UBXN7: variants seen among roughly 807,000 people sequenced by gnomAD.
UBXN7 encodes the protein UBX domain protein 7, also known as UBX domain-containing protein 7.
In UBXN7, 9 loss-of-function variants were observed where a neutral mutation model predicts 58.0. The observed-to-expected ratio is 0.16, with a 90% CI of 0.09 to 0.27. The LOEUF (loss-of-function observed/expected upper bound fraction) is 0.27, where lower values mean the gene tolerates loss of function less well. UBXN7 is among the 10% of genes least tolerant of loss of function. The pLI is 1.00. For synonymous variants in UBXN7, 208 were observed against 205.0 expected, an observed-to-expected ratio of 1.01 and a Z score of -0.12; for missense variants, 328 against 599.6, an observed-to-expected ratio of 0.55 and a Z score of 4.73.
At chr3:196,390,483 T>C (rs1055350737) in intron 5 of UBXN7, among the ~76,000 whole-genome samples, 6 of 152,126 alleles carry the variant, frequency 3.9e-5, no homozygotes, top group Non-Finnish European at 8.8e-5. Context: ...GGCTCACGCC[T>C]GTAATCCCAG....
intron 6 of UBXN7, among the ~76,000 whole-genome samples, chr3:196,371,260 G>T (rs1384811152): frequency 6.6e-6 from 1 of 152,206 alleles, no homozygotes; most frequent in Middle Eastern, 3.4e-3. Context: ...AATGGAGAAG[G>T]GGTGTAAGTA....
At chr3:196,409,952 T>C (rs1359713030) in intron 1 of UBXN7, among the ~76,000 whole-genome samples, 1 of 151,912 alleles carries the variant, frequency 6.6e-6, no homozygotes, top group African/African-American at 2.4e-5. Flanking sequence ...TTTTTTTTTT[T>C]TTTTTGAGAC....
At chr3:196,429,341 C>A (rs372164610) in intron 1 of UBXN7, among the ~76,000 whole-genome samples, 5 of 147,076 alleles carry the variant, frequency 3.4e-5, no homozygotes, top group African/African-American at 1.1e-4. Context: ...AAAAAAAAAA[C>A]ATCAGTCATT....
At chr3:196,387,394 T>C (rs527848657) in intron 5 of UBXN7, among the ~76,000 whole-genome samples, 1 of 152,124 alleles carries the variant, frequency 6.6e-6, no homozygotes, top group Non-Finnish European at 1.5e-5. Context: ...ACTTCACAAC[T>C]AAAACACCAA....
intron 9 of UBXN7, 118 bp downstream of exon 9, chr3:196,362,176 T>C: frequency 1.5e-6 from 2 of 1,350,804 alleles, no homozygotes. Context: ...GTATTTTTAG[T>C]AGAGACAGGG....
chr3:196,426,807 C>T (rs1472956690), intron 1 of UBXN7, among the ~76,000 whole-genome samples: 1 of 151,322 alleles, frequency 6.6e-6, no homozygotes, highest in Non-Finnish European at 1.5e-5. Context: ...AAGATCGTAC[C>T]TTTGCACTCC....
At chr3:196,388,705 G>T (rs1257155036) in intron 5 of UBXN7, among the ~76,000 whole-genome samples, 1 of 152,122 alleles carries the variant, frequency 6.6e-6, no homozygotes, top group African/African-American at 2.4e-5. Context: ...CATCTAATAT[G>T]AGGAACAAAC....
rs186687762 is a variant in UBXN7, at chr3:196,375,135, G to A, written c.469-3093C>T. On this transcript the variant is annotated intron_variant, in intron 5 of 10. Coordinates refer to ENST00000296328, the MANE Select transcript of UBXN7 (RefSeq NM_015562.2). ...CATGAGGACTATACTTAATAATATC[G>A]TATTATACATTGAAAATGTGCTGAG... is the stretch of plus-strand genomic sequence containing the variant. Among the ~76,000 whole-genome samples the A allele has an allele frequency of 1.1e-3, 170 of 149,090 alleles. 2 individuals are homozygous for A. The Middle Eastern group carries it at 0.035, about 31-fold the overall frequency.
chr3:196,385,326 T>C (rs1453142851), intron 5 of UBXN7, among the ~76,000 whole-genome samples: 1 of 152,186 alleles, frequency 6.6e-6, no homozygotes, highest in African/African-American at 2.4e-5. Flanking sequence ...CAGGCTGAAG[T>C]GCAGTGGCGT....
intron 2 of UBXN7, among the ~76,000 whole-genome samples, chr3:196,406,146 T>C (rs982943345): frequency 1.3e-5 from 2 of 151,690 alleles, no homozygotes; most frequent in African/African-American, 4.8e-5. Context: ...GATCCTCCCA[T>C]CTCAGCCTGC....
chr3:196,391,915 T>C lies in UBXN7; in HGVS notation c.366A>G (p.Glu122=). 6.2e-7 allele frequency: 1 copy of C among 1,609,992 alleles called. No individual in the cohort carries two copies. Among genetic ancestry groups the C allele is most frequent in the South Asian group, 1.1e-5 (1 of 90,546 alleles). ...TAGCTCCTCCATTTCTTAATTCTTG[T>C]TCTTGCCGAACTATAATACAGAAGG... ...RDFQTETIRQ[E]QELRNGGAID... is the part of the protein sequence containing the mutation. Residue 122 remains glutamate (E), a synonymous_variant, in exon 5 of 11, where the codon GAA becomes GAG. Coordinates refer to ENST00000296328, the MANE Select transcript of UBXN7 (RefSeq NM_015562.2).
intron 1 of UBXN7, among the ~76,000 whole-genome samples, chr3:196,430,553 C>G (rs924260257): frequency 6.6e-6 from 1 of 151,936 alleles, no homozygotes; most frequent in African/African-American, 2.4e-5. Context: ...ACATCCAGCT[C>G]ATTTTCTTAT....
At chr3:196,395,371 T>C (rs182732583) in intron 3 of UBXN7, among the ~76,000 whole-genome samples, 1 of 152,364 alleles carries the variant, frequency 6.6e-6, no homozygotes, top group Admixed American at 6.5e-5. Context: ...TTCCTGTGTA[T>C]ATGTGTATGT....
intron 1 of UBXN7, among the ~76,000 whole-genome samples, chr3:196,427,692 A>G (rs758772499): frequency 2.0e-4 from 31 of 152,230 alleles, no homozygotes; most frequent in Admixed American, 1.2e-3. Context: ...TTGAGAATTG[A>G]TATGACTTCT....
chr3:196,385,876 TG>T (rs1276775119), intron 5 of UBXN7, among the ~76,000 whole-genome samples: 1 of 151,936 alleles, frequency 6.6e-6, no homozygotes, highest in African/African-American at 2.4e-5. Flanking sequence ...ATCTGGGAGG[TG>T]TACCCAATAG....
At chr3:196,401,314 CACACACATATATATATAT>C (rs1560235437) in intron 3 of UBXN7, among the ~76,000 whole-genome samples, 2 of 111,866 alleles carry the variant, frequency 1.8e-5, no homozygotes, top group African/African-American at 7.0e-5. Context: ...CACACACACA[CACACACATATATATATAT>C]ACACATATAT....
intron 10 of UBXN7, among the ~76,000 whole-genome samples, chr3:196,359,096 T>G (rs1029219632): frequency 1.3e-5 from 2 of 152,214 alleles, no homozygotes; most frequent in African/African-American, 4.8e-5. Flanking sequence ...TGCGGCAACC[T>G]TGTGTCAAGT....
rs1447349573 is a variant in UBXN7, at chr3:196,368,171, C to T, written c.707-16G>A. ...AGCTTCTGACCTAAGGATTAAAAAC[C>T]AAGATCTATAAATAAATATAATATC... On this transcript the variant is annotated splice_polypyrimidine_tract_variant and intron_variant, in intron 7 of 10. Transcript: ENST00000296328. 1 of 1,601,014 alleles carries T rather than the reference C, an allele frequency of 6.2e-7. No individual in the cohort carries two copies. The highest frequency in any genetic ancestry group is 1.7e-5 in the Admixed American group (1 of 57,414).
chr3:196,384,977 A>T (rs1389656432), intron 5 of UBXN7, among the ~76,000 whole-genome samples: 1 of 152,142 alleles, frequency 6.6e-6, no homozygotes, highest in Non-Finnish European at 1.5e-5. Flanking sequence ...AAATAAATAA[A>T]GGGTATTCAA....
Sources: gnomAD v4.1 joint callset for allele counts (sites outside exome capture counted in the v4.1 genomes callset) on GRCh38, gnomAD v4.1.1 for gene constraint, MANE v1.5 for transcripts, NCBI Gene and HGNC (gene_info 2026-07-23, HGNC 2026-07-21) for gene names.